CD101: variants seen among roughly 807,000 people sequenced by gnomAD.
CD101 encodes the protein immunoglobulin superfamily member 2.
CD101 carries 76 observed loss-of-function variants against 98.2 expected under a neutral mutation model. The observed-to-expected ratio is 0.77, with a 90% CI of 0.64 to 0.94. CD101 has a LOEUF of 0.94. Ranked by LOEUF, CD101 falls within the 40% of genes least tolerant of loss-of-function variation. CD101 has a pLI of 0.00. For missense variants in CD101, 1,145 were observed against 1,218.8 expected (o/e 0.94, Z 0.90); for synonymous variants, 471 against 472.7 (o/e 1.00, Z 0.05).
In CD101 at chr1:117,014,185, T is replaced by TTGTGTGTGTG. The variant is rs3220776; in HGVS notation, c.1228+428_1228+437dup. 1.1e-3 allele frequency among the ~76,000 whole-genome samples: 157 copies of TTGTGTGTGTG among 141,266 alleles called. 1 individual carries two copies. The highest frequency in any genetic ancestry group is 3.6e-3 in the East Asian group (17 of 4,666). 92.7% of individuals were successfully genotyped at this position (141,266 alleles called of 152,430 possible). A position where few individuals can be genotyped will look rare whatever the true frequency, so the allele number is the denominator to read the frequency against. On this transcript the variant is annotated intron_variant, in intron 4 of 9. Coordinates refer to ENST00000682167, the MANE Select transcript of CD101 (RefSeq NM_001256106.3). ...TGTGTATTAATGAAGCCCTCTGCCT[T>TTGTGTGTGTG]TGTGTGTGTGTGTGTGTGTGTGTGT...
intron 8 of CD101, among the ~76,000 whole-genome samples, chr1:117,031,073 GGGTGAGAGGCAGAT>G (rs1168037687): frequency 1.3e-5 from 2 of 152,184 alleles, no homozygotes; most frequent in Admixed American, 1.3e-4. Context: ...ATCCAGATAT[GGGTGAGAGGCAGAT>G]GGTGGGAAAT....
intron 1 of CD101, among the ~76,000 whole-genome samples, chr1:117,002,550 G>A (rs1451531010): frequency 1.3e-5 from 2 of 152,166 alleles, no homozygotes; most frequent in African/African-American, 4.8e-5. Flanking sequence ...CAGATAGCAG[G>A]TACTTTTTAT....
Position 117,006,206 on chromosome 1 carries a change from C to T in CD101, c.44-3644C>T, listed in dbSNP as rs943166704. Among the ~76,000 whole-genome samples the T allele has an allele frequency of 2.0e-5, 3 of 152,148 alleles. No homozygotes were observed. The highest frequency in any genetic ancestry group is 2.9e-5 in the Non-Finnish European group (2 of 68,032). On this transcript the variant is annotated intron_variant, in intron 1 of 9. Coordinates refer to ENST00000682167, the MANE Select transcript of CD101 (RefSeq NM_001256106.3). The surrounding 1 kb of genome is among the most constrained non-coding windows in gnomAD (Gnocchi z 4.4). ...CTCATCTCGCCATTTAACCCTGCTA[C>T]TCCCAAGCATCCAACGCACTGAAAA...
Position 117,018,408 on chromosome 1 carries a change from G to A in CD101, c.1865G>A (p.Arg622His), listed in dbSNP as rs116063197. 1.2e-3 allele frequency: 1,996 copies of A among 1,614,080 alleles called. 23 individuals carry two copies. The African/African-American group carries it at 0.023, about 19-fold the overall frequency. Residue 622 changes from arginine (R) to histidine (H), a missense_variant, in exon 6 of 10, where the codon CGT (arginine) becomes CAT (histidine). Coordinates refer to ENST00000682167, the MANE Select transcript of CD101 (RefSeq NM_001256106.3). This position sits in a 1 kb window ranked among gnomAD's most constrained non-coding sequence, Gnocchi z 4.3. The part of the protein sequence containing the change: ...KKTKVSQSLF[R>H]SQLLVHDATE... ...ACGAAAGTGTCGCAGTCTTTATTTC[G>A]TTCACAACTCCTAGTCCATGATGCC...
At chr1:117,028,040 A>T (rs1338271841) in intron 8 of CD101, among the ~76,000 whole-genome samples, 1 of 152,140 alleles carries the variant, frequency 6.6e-6, no homozygotes, top group Non-Finnish European at 1.5e-5. Context: ...AGCCGAGATC[A>T]CGCCATTGCA....
chr1:117,011,483 G>T, intron 2 of CD101, 67 bp from the exon 3 acceptor site: 1 of 1,390,178 alleles, frequency 7.2e-7, no homozygotes, highest in Non-Finnish European at 9.9e-7. Context: ...AGCTCAGGGC[G>T]CCATCTAAGG....
chr1:117,004,672 C>A lies in CD101; in HGVS notation c.43+2812C>A, dbSNP rs1383645655. Among the ~76,000 whole-genome samples the A allele has an allele frequency of 2.0e-5, 3 of 152,216 alleles. No homozygotes were observed. Among genetic ancestry groups the A allele is most frequent in the Admixed American group, 6.5e-5 (1 of 15,288 alleles). On this transcript the variant is annotated intron_variant, in intron 1 of 9. Transcript: ENST00000682167. This position sits in a 1 kb window ranked among gnomAD's most constrained non-coding sequence, Gnocchi z 4.1. Reference sequence around the variant, plus strand: ...GGTGGATGATATGTACTTGAAAAAACCCAGAGAGAATATATTTATAGTAAG... The same window carrying A: ...GGTGGATGATATGTACTTGAAAAAAACCAGAGAGAATATATTTATAGTAAG...
chr1:117,006,844 T>G lies in CD101; in HGVS notation c.44-3006T>G, dbSNP rs543074872. On this transcript the variant is annotated intron_variant, in intron 1 of 9. Transcript: ENST00000682167. The surrounding 1 kb of genome is among the most constrained non-coding windows in gnomAD (Gnocchi z 4.4). ...GTCAGAATCTAGCCTAAATTCATCT[T>G]CATATCTTAGTCCCTCAAGCATGAG... is the stretch of plus-strand genomic sequence containing the variant. 3.2e-4 allele frequency among the ~76,000 whole-genome samples: 49 copies of G among 152,224 alleles called. No individual in the cohort carries two copies. The highest frequency in any genetic ancestry group is 1.6e-4 in the Non-Finnish European group (11 of 68,046).
rs1162522652 is a variant in CD101, at chr1:117,004,423, A to G, written c.43+2563A>G. Among the ~76,000 whole-genome samples, 1 of 152,208 alleles carries G rather than the reference A, an allele frequency of 6.6e-6. No homozygotes were observed. The highest frequency in any genetic ancestry group is 1.5e-5 in the Non-Finnish European group (1 of 68,044). ...CAACCTAATCGTTTTCATTCAAATAATACTGCAGTGGTAAATTTGACAATT... is the reference window on the plus strand; with the variant it reads ...CAACCTAATCGTTTTCATTCAAATAGTACTGCAGTGGTAAATTTGACAATT... On this transcript the variant is annotated intron_variant, in intron 1 of 9. Transcript: ENST00000682167. The surrounding 1 kb of genome is among the most constrained non-coding windows in gnomAD (Gnocchi z 4.1).
intron 1 of CD101, 108 bp downstream of exon 1, chr1:117,001,968 A>G: frequency 2.0e-6 from 2 of 999,468 alleles, no homozygotes; most frequent in Non-Finnish European, 3.1e-6. Flanking sequence ...ACTATGCCAT[A>G]TATTTCTGAT....
rs990350294 is a variant in CD101, at chr1:117,009,628, G to C, written c.44-222G>C. On this transcript the variant is annotated intron_variant, in intron 1 of 9. Transcript: ENST00000682167. Reference sequence around the variant, plus strand: ...TGAAGCTAAATTTTTTTAAGAGACTGAAGATTACTATGGAAGTTAAAGTTA... The same window carrying C: ...TGAAGCTAAATTTTTTTAAGAGACTCAAGATTACTATGGAAGTTAAAGTTA... Among the ~76,000 whole-genome samples, 3 of 152,206 alleles carry C rather than the reference G, an allele frequency of 2.0e-5. No homozygotes were observed. In the South Asian group the frequency reaches 6.2e-4, roughly 32 times the overall value.
In CD101 at chr1:117,036,023, A is replaced by T. The variant is rs571120178; in HGVS notation, c.*34-145A>T. On this transcript the variant is annotated intron_variant, in intron 9 of 9. Transcript: ENST00000682167. The surrounding 1 kb of genome is among the most constrained non-coding windows in gnomAD (Gnocchi z 5.0). Reference sequence around the variant, plus strand: ...CCATCCCTCCTCTCTGCTCACATGGACACCTCCTTCAAGCTTCTAGCTCAA... The same window carrying T: ...CCATCCCTCCTCTCTGCTCACATGGTCACCTCCTTCAAGCTTCTAGCTCAA... The T allele has an allele frequency of 6.6e-6, 1 of 152,572 alleles. No individual in the cohort carries two copies. The highest frequency in any genetic ancestry group is 1.9e-4 in the East Asian group (1 of 5,174). 9.5% of individuals were successfully genotyped at this position (152,572 alleles called of 1,614,324 possible).
chr1:117,025,482 C>A, intron 7 of CD101, 27 bp from the exon 8 acceptor site: 3 of 1,506,586 alleles, frequency 2.0e-6, no homozygotes, highest in South Asian at 1.3e-5. Context: ...TCTGCATTCT[C>A]TAATTTACTG....
Position 117,005,810 on chromosome 1 carries a change from A to G in CD101, c.43+3950A>G, listed in dbSNP as rs1247092420. ...GGATTTGGCATTTGCAGATCTATTA[A>G]TATGTTCAAGTCTGGCTCAAATCCT... On this transcript the variant is annotated intron_variant, in intron 1 of 9. Coordinates refer to ENST00000682167, the MANE Select transcript of CD101 (RefSeq NM_001256106.3). The surrounding 1 kb of genome is among the most constrained non-coding windows in gnomAD (Gnocchi z 4.4). Among the ~76,000 whole-genome samples, 4 of 152,202 alleles carry G rather than the reference A, an allele frequency of 2.6e-5. No individual in the cohort carries two copies. The highest frequency in any genetic ancestry group is 5.9e-5 in the Non-Finnish European group (4 of 68,028).
Position 117,034,139 on chromosome 1 carries a change from G to T in CD101, c.*33+5G>T. 6.2e-7 allele frequency: 1 copy of T among 1,608,512 alleles called. No individual in the cohort carries two copies. The highest frequency in any genetic ancestry group is 8.5e-7 in the Non-Finnish European group (1 of 1,177,910). ...ACCTGCAGCCAGGAAGGAAAGGTGG[G>T]GGCTTTTTAATTGGGCTAACCAGGG... On this transcript the variant is annotated splice_donor_5th_base_variant and intron_variant, in intron 9 of 9. Transcript: ENST00000682167.
chr1:117,029,195 G>GAAGA, intron 8 of CD101, among the ~76,000 whole-genome samples: 1 of 76,818 alleles, frequency 1.3e-5, no homozygotes, highest in Non-Finnish European at 2.6e-5. Flanking sequence ...AAGAAAGAAA[G>GAAGA]AAAGAAAGAA....
chr1:117,034,311 C>G, intron 9 of CD101, 177 bp downstream of exon 9: 1 of 591,956 alleles, frequency 1.7e-6, no homozygotes, highest in Non-Finnish European at 3.0e-6. Context: ...CCTCTCGCAT[C>G]CCCCCTTGGA....
In CD101 at chr1:117,011,718, T is replaced by C; in HGVS notation, c.593T>C (p.Ile198Thr). Residue 198 changes from isoleucine to threonine, a missense_variant, in exon 3 of 10, where the codon ATT (isoleucine) becomes ACT (threonine). Ile to Thr is a moderately conservative substitution (Grantham distance 89, BLOSUM62 -1). Coordinates refer to ENST00000682167, the MANE Select transcript of CD101 (RefSeq NM_001256106.3). ...GGAGGAGGAAGCCAAGCCACTGAGA[T>C]TATTTCTCTCTCCAAAGATTTTATA... The part of the protein sequence containing the change: ...QDGGGSQATE[I>T]ISLSKDFILV... 1.9e-6 allele frequency: 3 copies of C among 1,614,100 alleles called. No homozygotes were observed. The highest frequency in any genetic ancestry group is 2.5e-6 in the Non-Finnish European group (3 of 1,180,002).
At position 117,011,765 on chromosome 1, in the gene CD101, A is replaced by T; in HGVS notation, c.640A>T (p.Thr214Ser). ...TATATTGGTCCCTGGGCCCTTGTAT[A>T]CAGAGCGGTTTGCAGCCAGTGACGT... Reference protein sequence around the residue: ...DFILVPGPLYTERFAASDVQL... With the variant: ...DFILVPGPLYSERFAASDVQL... Residue 214 changes from threonine to serine, a missense_variant, in exon 3 of 10, where the codon ACA becomes TCA. Coordinates refer to ENST00000682167, the MANE Select transcript of CD101 (RefSeq NM_001256106.3). The T allele has an allele frequency of 2.5e-6, 4 of 1,614,154 alleles. No individual in the cohort carries two copies. The highest frequency in any genetic ancestry group is 3.4e-6 in the Non-Finnish European group (4 of 1,180,018).
Sources: gnomAD v4.1 joint callset for allele counts (sites outside exome capture counted in the v4.1 genomes callset) on GRCh38, gnomAD v4.1.1 for gene constraint, Gnocchi (gnomAD v3.1) non-coding constraint, MANE v1.5 for transcripts, NCBI Gene and HGNC (gene_info 2026-07-23, HGNC 2026-07-21) for gene names.